DCP1A: variants seen among roughly 807,000 people sequenced by gnomAD.
DCP1A encodes decapping mRNA 1A.
A neutral mutation model predicts 58.0 loss-of-function variants in DCP1A; 20 were observed. The observed-to-expected ratio is 0.34, with a 90% CI of 0.24 to 0.50. The LOEUF is 0.50. Among genes scored for constraint, DCP1A ranks in the 20% least tolerant of loss-of-function variants. The pLI is 0.98. For synonymous variants in DCP1A, 285 were observed against 275.1 expected (o/e 1.04, Z -0.36); for missense variants, 613 against 712.2 (o/e 0.86, Z 1.59).
chr3:53,332,733 CG>C (rs1340612267), intron 3 of DCP1A, among the ~76,000 whole-genome samples: 1 of 151,776 alleles, frequency 6.6e-6, no homozygotes, highest in East Asian at 1.9e-4. Context: ...GGTGTGGTGG[CG>C]GGTGCCTGTA....
chr3:53,325,144 T>C (rs1410671870), intron 3 of DCP1A, among the ~76,000 whole-genome samples: 1 of 152,228 alleles, frequency 6.6e-6, no homozygotes, highest in Non-Finnish European at 1.5e-5. Context: ...TAGCAACCTA[T>C]TATGATTTCA....
chr3:53,300,315 C>A (rs1707272470), intron 6 of DCP1A, among the ~76,000 whole-genome samples: 1 of 149,278 alleles, frequency 6.7e-6, no homozygotes, highest in Admixed American at 6.7e-5. Flanking sequence ...CATTTTTCAT[C>A]TTTCAATGGA....
chr3:53,322,227 T>C (rs777461522), intron 3 of DCP1A, among the ~76,000 whole-genome samples: 2 of 151,930 alleles, frequency 1.3e-5, no homozygotes, highest in Non-Finnish European at 2.9e-5. Flanking sequence ...CCAAGGCGGG[T>C]GGATCACCTG....
intron 3 of DCP1A, 124 bp from the exon 4 acceptor site, chr3:53,319,597 CTCTA>C: frequency 1.7e-6 from 1 of 581,548 alleles, no homozygotes; most frequent in South Asian, 2.8e-5. Flanking sequence ...ATTGTTAATA[CTCTA>C]TCTAAAGAAA....
intron 1 of DCP1A, among the ~76,000 whole-genome samples, chr3:53,345,869 A>G (rs1193347801): frequency 9.9e-5 from 15 of 152,184 alleles, no homozygotes; most frequent in Admixed American, 9.8e-4. Flanking sequence ...TCTTACAGTA[A>G]AAGAAAATTT....
At chr3:53,314,714 C>T (rs1163367767) in intron 4 of DCP1A, among the ~76,000 whole-genome samples, 2 of 144,274 alleles carry the variant, frequency 1.4e-5, no homozygotes, top group Admixed American at 7.0e-5. Flanking sequence ...CTCTGTCACC[C>T]GGGCTAGAGT....
chr3:53,330,282 A>G (rs1290518389), intron 3 of DCP1A, among the ~76,000 whole-genome samples: 1 of 152,182 alleles, frequency 6.6e-6, no homozygotes, highest in Non-Finnish European at 1.5e-5. Context: ...GTGTAATCCT[A>G]GCACTTTGGG....
intron 3 of DCP1A, among the ~76,000 whole-genome samples, chr3:53,322,712 G>GT (rs1708003933): frequency 1.3e-5 from 2 of 151,864 alleles, no homozygotes. Flanking sequence ...GTATGGCCAT[G>GT]TGTCCCACAA....
Position 53,319,489 on chromosome 3 carries a change from G to GA in DCP1A, c.305-17dup. On this transcript the variant is annotated splice_polypyrimidine_tract_variant and intron_variant, in intron 3 of 9. Transcript: ENST00000610213. ...TATATCGACACTTGAAAAACAAAGG[G>GA]AAAAAAAGATAAGAAGAAATGAGGT... 5 of 1,503,364 alleles carry GA rather than the reference G, an allele frequency of 3.3e-6. No homozygotes were observed. In the South Asian group the frequency reaches 3.7e-5, roughly 11 times the overall value. 93.1% of individuals were successfully genotyped at this position (1,503,364 alleles called of 1,614,324 possible).
chr3:53,305,250 T>C (rs945504417), intron 5 of DCP1A, among the ~76,000 whole-genome samples: 8 of 152,236 alleles, frequency 5.3e-5, no homozygotes, highest in African/African-American at 1.2e-4. Context: ...TGTTTAACCA[T>C]TCACTCACAG....
chr3:53,306,697 A>G (rs1274509001), intron 5 of DCP1A, among the ~76,000 whole-genome samples: 3 of 148,816 alleles, frequency 2.0e-5, no homozygotes, highest in Non-Finnish European at 3.0e-5. Flanking sequence ...TGTGAACCCA[A>G]GAGGCAGAGC....
intron 6 of DCP1A, among the ~76,000 whole-genome samples, chr3:53,296,272 A>G (rs1441588783): frequency 6.6e-6 from 1 of 152,222 alleles, no homozygotes; most frequent in East Asian, 1.9e-4. Context: ...ATATCCCACA[A>G]TGCAAGACAA....
chr3:53,312,139 C>T (rs1707663583), intron 5 of DCP1A, 102 bp downstream of exon 5: 7 of 1,305,260 alleles, frequency 5.4e-6, no homozygotes, highest in East Asian at 2.4e-5. Flanking sequence ...ATATTTCTGC[C>T]GTCCCTGGAG....
rs1469149676 is a variant in DCP1A at position 53,292,811 on chromosome 3, T to C, written c.641A>G (p.His214Arg). 1.2e-5 allele frequency: 19 copies of C among 1,607,378 alleles called. No homozygotes were observed. The highest frequency in any genetic ancestry group is 6.7e-5 in the African/African-American group (5 of 74,882). ...TAACTCTTCTACCGTCAGATGCTTG[T>C]GTCCAGATGGAGCAGACTGAAAAAC... Reference protein sequence around the residue: ...GSQDKSAPSGHKHLTVEELFG... With the variant: ...GSQDKSAPSGRKHLTVEELFG... Residue 214 changes from histidine (H) to arginine (R), a missense_variant, in exon 7 of 10, where the codon CAC becomes CGC. By Grantham distance (29) the His-to-Arg change is conservative (BLOSUM62 0). Coordinates refer to ENST00000610213, the MANE Select transcript of DCP1A (RefSeq NM_018403.7).
chr3:53,312,332 T>G lies in DCP1A; in HGVS notation c.419A>C (p.Lys140Thr). The G allele has an allele frequency of 6.2e-7, 1 of 1,613,414 alleles. No individual in the cohort carries two copies. Among genetic ancestry groups the G allele is most frequent in the Non-Finnish European group, 8.5e-7 (1 of 1,179,656 alleles). ...TRRSQQAARDKQSPSQANGCS... is the reference protein window; with the variant it reads ...TRRSQQAARDTQSPSQANGCS... Reference sequence around the variant, plus strand: ...GCCATTGGCCTGGCTGGGACTCTGTTTGTCCCGAGCAGCTTGCTGGGATCG... The same window carrying G: ...GCCATTGGCCTGGCTGGGACTCTGTGTGTCCCGAGCAGCTTGCTGGGATCG... The change falls in exon 5 of 10, where the codon AAA becomes ACA. Residue 140 changes from lysine to threonine, a missense_variant. Lys to Thr is a moderately conservative substitution (Grantham distance 78, BLOSUM62 -1). Around this residue, in one of 3 missense-constraint regions of DCP1A, gnomAD observed 498 missense variants for 556.7 expected, o/e 0.89. Transcript: ENST00000610213.
At chr3:53,319,312 T>C in intron 4 of DCP1A, 95 bp downstream of exon 4, 2 of 757,334 alleles carry the variant, frequency 2.6e-6, no homozygotes, top group Non-Finnish European at 4.2e-6. Context: ...GGGAAATACA[T>C]GAGTTGGCAG....
At chr3:53,291,953 T>C in intron 7 of DCP1A, 116 bp downstream of exon 7, 3 of 1,180,762 alleles carry the variant, frequency 2.5e-6, no homozygotes, top group Non-Finnish European at 3.5e-6. Context: ...TGACATACTT[T>C]AAAGGGACAA....
At chr3:53,294,707 C>A (rs1707056675) in intron 6 of DCP1A, among the ~76,000 whole-genome samples, 1 of 152,164 alleles carries the variant, frequency 6.6e-6, no homozygotes, top group Non-Finnish European at 1.5e-5. Context: ...TCCTTTCCAG[C>A]TGTGTGGCCT....
At chr3:53,347,333 A>G in intron 1 of DCP1A, 50 bp downstream of exon 1, 1 of 1,485,784 alleles carries the variant, frequency 6.7e-7, no homozygotes, top group Non-Finnish European at 8.9e-7. Context: ...CGGCCCCTTT[A>G]AGAGACGGCA....
Sources: allele counts gnomAD v4.1 joint callset (sites outside exome capture counted in the v4.1 genomes callset), GRCh38; gene constraint gnomAD v4.1.1; regional missense constraint gnomAD v4.1.1; transcripts MANE v1.5; gene names NCBI Gene and HGNC (gene_info 2026-07-23, HGNC 2026-07-21).